Variants in COL19A1 observed in about 807,000 individuals in gnomAD.
The protein encoded by COL19A1 is collagen type XIX alpha 1 chain, also known as collagen alpha-1(XIX) chain.
COL19A1 carries 159 observed loss-of-function variants against 190.2 expected under a neutral mutation model. The ratio of observed to expected loss-of-function variants is 0.84; its 90% CI spans 0.73 to 0.95. The LOEUF (loss-of-function observed/expected upper bound fraction) is 0.95, where lower values mean the gene tolerates loss of function less well. COL19A1 is among the 40% of genes least tolerant of loss of function. The pLI, the probability that COL19A1 is intolerant of heterozygous loss-of-function variation, is 0.00. For synonymous variants in COL19A1, 509 were observed against 458.9 expected (o/e 1.11, Z -1.39); for missense variants, 1,418 against 1,431.9 (o/e 0.99, Z 0.16).
chr6:69,935,845 A>G (rs1400554368), intron 7 of COL19A1, among the ~76,000 whole-genome samples: 2 of 152,046 alleles, frequency 1.3e-5, no homozygotes, highest in Non-Finnish European at 2.9e-5. Flanking sequence ...TTGTTACAAA[A>G]CTTATCTATG....
intron 4 of COL19A1, among the ~76,000 whole-genome samples, chr6:69,910,543 A>T (rs1195099657): frequency 6.6e-6 from 1 of 152,226 alleles, no homozygotes; most frequent in Non-Finnish European, 1.5e-5. Flanking sequence ...GTGAGGTACT[A>T]GCTAAATGTA....
chr6:69,873,927 C>G (rs190062732), intron 1 of COL19A1, among the ~76,000 whole-genome samples: 6 of 152,282 alleles, frequency 3.9e-5, no homozygotes, highest in African/African-American at 1.4e-4. Context: ...ATTAGCCACT[C>G]CATTGAGAAA....
intron 5 of COL19A1, among the ~76,000 whole-genome samples, chr6:69,928,910 G>C (rs1484336606): frequency 6.6e-6 from 1 of 152,064 alleles, no homozygotes; most frequent in African/African-American, 2.4e-5. Flanking sequence ...GATCAACCAA[G>C]AGTATGTCCT....
At chr6:69,869,095 T>C (rs1277978951) in intron 1 of COL19A1, among the ~76,000 whole-genome samples, 1 of 150,356 alleles carries the variant, frequency 6.7e-6, no homozygotes, top group African/African-American at 2.4e-5. Flanking sequence ...GCAGGCCACA[T>C]TGAGGATGTA....
chr6:70,019,368 T>G (rs780233554), intron 11 of COL19A1, among the ~76,000 whole-genome samples: 1 of 152,106 alleles, frequency 6.6e-6, no homozygotes, highest in Non-Finnish European at 1.5e-5. Flanking sequence ...CTATTATCTA[T>G]TGAAAGATTA....
chr6:69,887,965 C>T (rs1342714125), intron 2 of COL19A1, among the ~76,000 whole-genome samples: 2 of 152,208 alleles, frequency 1.3e-5, no homozygotes, highest in Non-Finnish European at 2.9e-5. Context: ...CCCCTCTCAC[C>T]TGGCTGTCTC....
intron 2 of COL19A1, among the ~76,000 whole-genome samples, chr6:69,886,422 G>A (rs1030248697): frequency 4.6e-5 from 7 of 152,102 alleles, no homozygotes; most frequent in African/African-American, 1.4e-4. Flanking sequence ...ACAGTATGGC[G>A]GTTCTGAAGA....
Position 69,936,874 on chromosome 6 carries a change from G to C in COL19A1, c.837G>C (p.Gln279His). Reference sequence around the variant, plus strand: ...TGTCTTCATATCTGCCAGCAAAGCAGGAACTTAAAGACCAGTGCCAGTGCA... The same window carrying C: ...TGTCTTCATATCTGCCAGCAAAGCACGAACTTAAAGACCAGTGCCAGTGCA... The part of the protein sequence containing the change: ...SKMSSYLPAK[Q>H]ELKDQCQCIP... The change falls in exon 8 of 51, where the codon CAG becomes CAC. Residue 279 changes from glutamine (Q) to histidine (H), a missense_variant. Gln to His is a conservative substitution (Grantham distance 24, BLOSUM62 0). Transcript: ENST00000620364. 1.9e-6 allele frequency: 3 copies of C among 1,613,128 alleles called. No homozygotes were observed. The highest frequency in any genetic ancestry group is 1.7e-6 in the Non-Finnish European group (2 of 1,179,280).
chr6:70,185,257 G>C (rs1170721522), intron 46 of COL19A1, among the ~76,000 whole-genome samples: 1 of 152,174 alleles, frequency 6.6e-6, no homozygotes, highest in African/African-American at 2.4e-5. Flanking sequence ...TCAGCACTGT[G>C]ATTATTCAGG....
At chr6:70,191,124 G>T (rs1393131803) in intron 48 of COL19A1, among the ~76,000 whole-genome samples, 1 of 152,114 alleles carries the variant, frequency 6.6e-6, no homozygotes, top group Non-Finnish European at 1.5e-5. Context: ...TCTGGCCCTT[G>T]CAGAGAAAGT....
intron 2 of COL19A1, chr6:69,889,834 A>C (rs1032324179): frequency 6.6e-6 from 1 of 152,248 alleles, no homozygotes; most frequent in African/African-American, 2.4e-5. Context: ...TAAGGGAATA[A>C]AAGCTGGCCA....
chr6:69,963,028 A>G (rs943402497), intron 11 of COL19A1, among the ~76,000 whole-genome samples, 158 bp downstream of exon 11: 2 of 152,204 alleles, frequency 1.3e-5, no homozygotes, highest in African/African-American at 4.8e-5. Context: ...TAGAATAAAT[A>G]TATTAATGAT....
intron 14 of COL19A1, among the ~76,000 whole-genome samples, chr6:70,038,046 A>C (rs1248487439): frequency 6.6e-5 from 10 of 152,236 alleles, no homozygotes; most frequent in Non-Finnish European, 1.3e-4. Context: ...AACTAAAATG[A>C]ATACCAACTT....
chr6:70,196,994 A>T (rs627540), intron 48 of COL19A1, among the ~76,000 whole-genome samples: 115,953 of 152,082 alleles, frequency 0.76, 45,056 homozygotes, highest in African/African-American at 0.91. Flanking sequence ...GAAAATAATT[A>T]TCTGTTTTGC....
At chr6:70,175,028 A>T (rs938881323) in intron 41 of COL19A1, among the ~76,000 whole-genome samples, 18 of 152,272 alleles carry the variant, frequency 1.2e-4, no homozygotes, top group African/African-American at 3.9e-4. Context: ...GGCATGAGAC[A>T]TGCAAATATT....
chr6:70,107,497 T>G lies in COL19A1; in HGVS notation c.1278+5275T>G, dbSNP rs111658335. On this transcript the variant is annotated intron_variant, in intron 16 of 50. Transcript: ENST00000620364. ...CCCAATGTCATTGATATGAAAGAACTTTCTTCTAAATGTAAAGCTCTATCT... is the reference window on the plus strand; with the variant it reads ...CCCAATGTCATTGATATGAAAGAACGTTCTTCTAAATGTAAAGCTCTATCT... Among the ~76,000 whole-genome samples, 135 of 152,314 alleles carry G rather than the reference T, an allele frequency of 8.9e-4. 2 individuals are homozygous for G. Among genetic ancestry groups the G allele is most frequent in the African/African-American group, 3.1e-3 (129 of 41,582 alleles).
intron 14 of COL19A1, among the ~76,000 whole-genome samples, chr6:70,042,228 G>A (rs964695204): frequency 2.0e-5 from 3 of 152,118 alleles, no homozygotes; most frequent in Non-Finnish European, 2.9e-5. Context: ...TTATCTCAAA[G>A]TATCAAATTC....
intron 14 of COL19A1, among the ~76,000 whole-genome samples, chr6:70,054,152 C>A (rs191106950): frequency 2.0e-5 from 3 of 152,258 alleles, no homozygotes; most frequent in African/African-American, 7.2e-5. Flanking sequence ...GAGTTCGAGA[C>A]CAGCCTGGTT....
In COL19A1 at chr6:70,146,657, A is replaced by G; in HGVS notation, c.1771-2A>G. The G allele has an allele frequency of 6.2e-7, 1 of 1,600,138 alleles. No individual in the cohort carries two copies. The highest frequency in any genetic ancestry group is 8.5e-7 in the Non-Finnish European group (1 of 1,174,368). On this transcript the variant is annotated splice_acceptor_variant, in intron 25 of 50. Transcript: ENST00000620364. LOFTEE classifies it high-confidence loss of function. ...TATGTATTCATACTTTTTTTCTTTT[A>G]GGGATTAGATGGAAATCCTGGAGCA...
Sources: allele counts gnomAD v4.1 joint callset (sites outside exome capture counted in the v4.1 genomes callset), GRCh38; gene constraint gnomAD v4.1.1; transcripts MANE v1.5; gene names NCBI Gene and HGNC (gene_info 2026-07-23, HGNC 2026-07-21).